Variants in DCX observed in about 807,000 individuals in gnomAD.
DCX encodes the protein neuronal migration protein doublecortin.
Under a neutral mutation model 20.9 loss-of-function variants are expected in DCX, and 4 were observed. The ratio of observed to expected loss-of-function variants is 0.19; its 90% confidence interval spans 0.09 to 0.44. DCX has a LOEUF of 0.44. DCX is among the 20% of genes least tolerant of loss of function. DCX has a pLI of 0.99. For missense variants in DCX, 133 were observed against 296.9 expected (o/e 0.45, Z 4.06); for synonymous variants, 103 against 111.4 (o/e 0.92, Z 0.47).
At chrX:111,348,517 C>T (rs139453262) in intron 3 of DCX, among the ~76,000 whole-genome samples, 156 of 111,480 alleles carry the variant, frequency 1.4e-3, no homozygotes, top group Non-Finnish European at 2.4e-3. Context: ...GCTGCAGAGG[C>T]GCTGGAGTTG....
chrX:111,389,610 C>T (rs1187794562), intron 3 of DCX, among the ~76,000 whole-genome samples: 2 of 111,536 alleles, frequency 1.8e-5, no homozygotes. Flanking sequence ...CCCAGCTACT[C>T]GGGAGGCTAA....
chrX:111,307,306 G>A (rs866269611), intron 6 of DCX, among the ~76,000 whole-genome samples: 13 of 106,295 alleles, frequency 1.2e-4, no homozygotes, highest in South Asian at 1.2e-3. Flanking sequence ...ATATATACAC[G>A]TGTATATATA....
intron 3 of DCX, among the ~76,000 whole-genome samples, chrX:111,378,204 A>G (rs767351214): frequency 8.9e-6 from 1 of 112,053 alleles, no homozygotes; most frequent in Admixed American, 9.4e-5. Flanking sequence ...GGAGCGGCCA[A>G]CCATCTGTAT....
chrX:111,325,138 A>G, intron 5 of DCX, among the ~76,000 whole-genome samples: 1 of 111,474 alleles, frequency 9.0e-6, no homozygotes, highest in Non-Finnish European at 1.9e-5. Flanking sequence ...GTAGCACTGA[A>G]AGGCACCTAA....
At chrX:111,389,013 A>G (rs1926736527) in intron 3 of DCX, among the ~76,000 whole-genome samples, 1 of 111,720 alleles carries the variant, frequency 9.0e-6, no homozygotes, top group Admixed American at 9.5e-5. Context: ...ATAGATCTGG[A>G]GCATGGGAAG....
chrX:111,317,711 T>C (rs972470482), intron 5 of DCX, among the ~76,000 whole-genome samples: 3 of 111,437 alleles, frequency 2.7e-5, no homozygotes, highest in African/African-American at 9.8e-5. Flanking sequence ...TAAGCAAATT[T>C]ACAAGAAATA....
chrX:111,371,875 A>G (rs1460851120), intron 3 of DCX, among the ~76,000 whole-genome samples: 1 of 110,363 alleles, frequency 9.1e-6, no homozygotes, highest in Non-Finnish European at 1.9e-5. Flanking sequence ...AAAAACTACT[A>G]TGTATTAATT....
In DCX at chrX:111,295,597, G is replaced by A. The variant is rs1180150385; in HGVS notation, c.*6090C>T. On this transcript the variant is annotated 3_prime_UTR_variant, in exon 7 of 7. Coordinates refer to ENST00000636035, the MANE Select transcript of DCX (RefSeq NM_001195553.2). ...CAAATGACAGGAGAAATTACCTGTG[G>A]TCCCTCATTATATTATATTGCAGCT... The A allele has an allele frequency of 1.8e-5, 2 of 111,555 alleles. No homozygotes were observed. The highest frequency in any genetic ancestry group is 3.8e-5 in the Non-Finnish European group (2 of 53,074). 9.2% of individuals were successfully genotyped at this position (111,555 alleles called of 1,213,427 possible). A position where few individuals can be genotyped will look rare whatever the true frequency, so the allele number is the denominator to read the frequency against.
Position 111,400,895 on chromosome X carries a change from G to A in DCX, c.705+95C>T, listed in dbSNP as rs146900657. 1.2e-3 allele frequency: 981 copies of A among 812,178 alleles called. 5 individuals carry two copies. In the African/African-American group the frequency reaches 0.017, roughly 14 times the overall value. The allele number at this position is 812,178 out of a possible 1,213,427, so 66.9% of individuals were successfully genotyped here. On this transcript the variant is annotated intron_variant, in intron 3 of 6. Transcript: ENST00000636035. ...TCAGGTTGTGATGATGAGATGTGGA[G>A]GAAGAGTCCGTCAACAAGAAATGAT... is the stretch of plus-strand genomic sequence containing the variant.
intron 6 of DCX, among the ~76,000 whole-genome samples, chrX:111,310,604 G>T (rs1195476839): frequency 9.0e-6 from 1 of 111,665 alleles, no homozygotes; most frequent in African/African-American, 3.3e-5. Context: ...AAATTTAAAT[G>T]TTTACTTTAT....
chrX:111,337,606 A>G (rs1486517007), intron 3 of DCX, among the ~76,000 whole-genome samples: 8 of 112,205 alleles, frequency 7.1e-5, no homozygotes, highest in African/African-American at 2.6e-4. Flanking sequence ...CTCCATCCAC[A>G]TATTATAGAT....
At position 111,325,008 on chromosome X, in the gene DCX, G is replaced by A. The variant is rs181910338; in HGVS notation, c.946+5896C>T. On this transcript the variant is annotated intron_variant, in intron 5 of 6. Coordinates refer to ENST00000636035, the MANE Select transcript of DCX (RefSeq NM_001195553.2). ...TTTTAGAAGAATCAGATTGGAGGAG[G>A]AACTGGGGAAGTTTTTCTCTTCCCA... Among the ~76,000 whole-genome samples, 4 of 111,757 alleles carry A rather than the reference G, an allele frequency of 3.6e-5. No individual in the cohort carries two copies. In the East Asian group the frequency reaches 1.1e-3, roughly 32 times the overall value.
At chrX:111,373,404 A>C (rs1387100905) in intron 3 of DCX, among the ~76,000 whole-genome samples, 1 of 112,298 alleles carries the variant, frequency 8.9e-6, no homozygotes, top group Middle Eastern at 4.2e-3. Context: ...TCAGTCTTTT[A>C]GAAGATTTTG....
At chrX:111,341,124 T>G in intron 3 of DCX, among the ~76,000 whole-genome samples, 1 of 110,021 alleles carries the variant, frequency 9.1e-6, no homozygotes, top group Non-Finnish European at 1.9e-5. Context: ...CTAAGAACCT[T>G]GATTAAAGGT....
intron 3 of DCX, among the ~76,000 whole-genome samples, chrX:111,387,249 C>T (rs896070785): frequency 7.2e-5 from 8 of 111,657 alleles, no homozygotes; most frequent in Admixed American, 4.7e-4. Context: ...AAACCAGAAA[C>T]ATAAATAAAC....
intron 2 of DCX, among the ~76,000 whole-genome samples, chrX:111,402,784 TGTGTG>T (rs1340884928): frequency 0.047 from 208 of 4,469 alleles, 1 homozygote; most frequent in Admixed American, 0.064. Flanking sequence ...GTGTGCGTGG[TGTGTG>T]TGTGTGTGTG....
chrX:111,385,718 C>CAAGGAAGGAAGGAAGGAAGGAAGG (rs200945198), intron 3 of DCX, among the ~76,000 whole-genome samples: 1 of 82,016 alleles, frequency 1.2e-5, no homozygotes, highest in African/African-American at 4.5e-5. Context: ...AGCAAGAAAG[C>CAAGGAAGGAAGGAAGGAAGGAAGG]AAGGAAGGAA....
At chrX:111,335,804 G>A (rs888548763) in intron 3 of DCX, among the ~76,000 whole-genome samples, 1 of 110,554 alleles carries the variant, frequency 9.0e-6, no homozygotes, top group Non-Finnish European at 1.9e-5. Flanking sequence ...AAACTAGTCC[G>A]GCGTGGTGGT....
chrX:111,361,029 T>C (rs977464310), intron 3 of DCX, among the ~76,000 whole-genome samples: 2 of 111,571 alleles, frequency 1.8e-5, no homozygotes, highest in African/African-American at 6.5e-5. Context: ...TAGGTGCCAG[T>C]AGCGACCCAC....
Sources: allele counts gnomAD v4.1 joint callset (sites outside exome capture counted in the v4.1 genomes callset), GRCh38; gene constraint gnomAD v4.1.1; transcripts MANE v1.5; gene names NCBI Gene and HGNC (gene_info 2026-07-23, HGNC 2026-07-21).